Variants in TOX observed in about 807,000 individuals in gnomAD.
TOX encodes the protein thymocyte selection associated high mobility group box, also known as thymocyte selection-associated high mobility group box protein TOX.
Under a neutral mutation model 53.7 loss-of-function variants are expected in TOX, and 11 were observed. The observed-to-expected ratio is 0.20, with a 90% CI of 0.13 to 0.34. The LOEUF is 0.34. Ranked by LOEUF, TOX falls within the 10% of genes least tolerant of loss-of-function variation. The pLI, the probability that TOX is intolerant of heterozygous loss-of-function variation, is 1.00. For synonymous variants in TOX, 225 were observed against 245.3 expected (o/e 0.92, Z 0.77); for missense variants, 570 against 664.6 (o/e 0.86, Z 1.56).
chr8:58,899,979 T>C (rs75735220), intron 3 of TOX, among the ~76,000 whole-genome samples: 6 of 152,034 alleles, frequency 3.9e-5, no homozygotes, highest in Non-Finnish European at 7.4e-5. Context: ...TTTTTTTTTT[T>C]AGTTGGACTC....
At chr8:58,905,137 T>C (rs1811792020) in intron 3 of TOX, among the ~76,000 whole-genome samples, 1 of 152,202 alleles carries the variant, frequency 6.6e-6, no homozygotes, top group Non-Finnish European at 1.5e-5. Flanking sequence ...TTTACCATGT[T>C]GGCGAGGATG....
At chr8:58,997,108 G>A (rs1036269134) in intron 1 of TOX, among the ~76,000 whole-genome samples, 1 of 152,138 alleles carries the variant, frequency 6.6e-6, no homozygotes, top group Non-Finnish European at 1.5e-5. Context: ...AAATACCAAG[G>A]TAAGGCTATC....
chr8:59,093,853 C>CATAA (rs1804666569), intron 1 of TOX, among the ~76,000 whole-genome samples: 2 of 152,146 alleles, frequency 1.3e-5, no homozygotes, highest in Non-Finnish European at 2.9e-5. Context: ...CTTTTACTGG[C>CATAA]ATGTTGGTAA....
intron 2 of TOX, among the ~76,000 whole-genome samples, chr8:58,959,468 C>T (rs922646692): frequency 7.2e-5 from 11 of 152,166 alleles, no homozygotes; most frequent in Non-Finnish European, 1.5e-4. Flanking sequence ...CCAGCCCCCA[C>T]TCCTTACCTC....
At chr8:59,097,332 C>T (rs1375923804) in intron 1 of TOX, among the ~76,000 whole-genome samples, 4 of 152,116 alleles carry the variant, frequency 2.6e-5, no homozygotes, top group Non-Finnish European at 4.4e-5. Flanking sequence ...TGAGCTCCTC[C>T]GGCAGGGTCT....
chr8:59,081,411 TGA>T (rs1369951927), intron 1 of TOX, among the ~76,000 whole-genome samples: 1 of 152,170 alleles, frequency 6.6e-6, no homozygotes, highest in East Asian at 1.9e-4. Flanking sequence ...ATAAATGAGT[TGA>T]GAGATGGCAA....
At position 58,976,012 on chromosome 8, in the gene TOX, C is replaced by A. The variant is rs140920400; in HGVS notation, c.103-16004G>T. ...GCTTGAACCTGGGACACGGAGGTTG[C>A]AGTGAGCCGGGATTGCACCACTGCA... On this transcript the variant is annotated intron_variant, in intron 1 of 8. Coordinates refer to ENST00000361421, the MANE Select transcript of TOX (RefSeq NM_014729.3). Among the ~76,000 whole-genome samples, 123 of 152,058 alleles carry A rather than the reference C, an allele frequency of 8.1e-4. 6 individuals are homozygous for A. In the East Asian group the frequency reaches 0.023, roughly 28 times the overall value.
chr8:59,026,400 T>C (rs180840823), intron 1 of TOX, among the ~76,000 whole-genome samples: 2 of 152,268 alleles, frequency 1.3e-5, no homozygotes, highest in Admixed American at 6.5e-5. Context: ...AGTACAAACA[T>C]CTCATTTTTT....
intron 3 of TOX, among the ~76,000 whole-genome samples, chr8:58,890,036 G>C (rs1424363816): frequency 5.3e-5 from 8 of 151,988 alleles, no homozygotes; most frequent in Admixed American, 2.6e-4. Flanking sequence ...AAATTATTTT[G>C]GTGGGAAATC....
chr8:59,019,441 A>G (rs1005433425), intron 1 of TOX, among the ~76,000 whole-genome samples: 1 of 152,236 alleles, frequency 6.6e-6, no homozygotes, highest in African/African-American at 2.4e-5. Flanking sequence ...GAGAAAGAGA[A>G]TGTGGCACAG....
chr8:59,084,127 A>G (rs1804465022), intron 1 of TOX, among the ~76,000 whole-genome samples: 2 of 152,186 alleles, frequency 1.3e-5, no homozygotes, highest in South Asian at 2.1e-4. Flanking sequence ...GAATGTTCTT[A>G]CTAAAATACT....
intron 2 of TOX, among the ~76,000 whole-genome samples, chr8:58,952,210 T>C (rs1474631784): frequency 3.3e-5 from 5 of 152,150 alleles, no homozygotes; most frequent in African/African-American, 1.2e-4. Flanking sequence ...ATAGTAAAAA[T>C]GGGCAAAACT....
At chr8:58,847,110 C>T (rs1372288803) in intron 4 of TOX, among the ~76,000 whole-genome samples, 3 of 152,146 alleles carry the variant, frequency 2.0e-5, no homozygotes, top group African/African-American at 7.2e-5. Context: ...TAAATCATCC[C>T]CAGAGAAATC....
intron 3 of TOX, among the ~76,000 whole-genome samples, chr8:58,937,514 T>C (rs1345473209): frequency 6.6e-6 from 1 of 152,166 alleles, no homozygotes; most frequent in Non-Finnish European, 1.5e-5. Flanking sequence ...ATGACTGCCA[T>C]GGGCAGCAAA....
At chr8:59,067,829 A>C (rs144849806) in intron 1 of TOX, among the ~76,000 whole-genome samples, 1 of 152,104 alleles carries the variant, frequency 6.6e-6, no homozygotes, top group Non-Finnish European at 1.5e-5. Flanking sequence ...CACACTAAAG[A>C]TTTTTCATAC....
At chr8:59,074,458 G>A (rs551552233) in intron 1 of TOX, among the ~76,000 whole-genome samples, 2 of 152,164 alleles carry the variant, frequency 1.3e-5, no homozygotes, top group South Asian at 2.1e-4. Context: ...ATCTATCTAC[G>A]AGGTACCTCG....
intron 4 of TOX, among the ~76,000 whole-genome samples, chr8:58,842,341 C>T (rs942507829): frequency 2.0e-5 from 3 of 152,004 alleles, no homozygotes; most frequent in African/African-American, 2.4e-5. Context: ...ACAACTTTTT[C>T]TCTCTCTCTC....
intron 1 of TOX, among the ~76,000 whole-genome samples, chr8:58,993,855 G>A (rs6989551): frequency 7.0e-6 from 1 of 142,570 alleles, no homozygotes; most frequent in South Asian, 2.2e-4. Flanking sequence ...GACCTAAGGG[G>A]AAAAGGCATC....
intron 3 of TOX, among the ~76,000 whole-genome samples, chr8:58,904,427 G>A (rs895541096): frequency 2.6e-5 from 4 of 152,034 alleles, no homozygotes; most frequent in Non-Finnish European, 4.4e-5. Context: ...CAAAGGAGGT[G>A]CTTTCACATT....
Sources: allele counts gnomAD v4.1 joint callset (sites outside exome capture counted in the v4.1 genomes callset), GRCh38; gene constraint gnomAD v4.1.1; transcripts MANE v1.5; gene names NCBI Gene and HGNC (gene_info 2026-07-23, HGNC 2026-07-21).